PTPN20: variants seen among roughly 807,000 people sequenced by gnomAD.
PTPN20 encodes the protein tyrosine-protein phosphatase non-receptor type 20.
PTPN20 carries 9 observed loss-of-function variants against 35.0 expected under a neutral mutation model. That is an observed-to-expected ratio of 0.26 (90% confidence interval 0.15 to 0.45). The LOEUF is 0.45. PTPN20 is among the 20% of genes least tolerant of loss of function. The pLI is 1.00. For missense variants in PTPN20, 111 were observed against 312.5 expected, an observed-to-expected ratio of 0.36 and a Z score of 4.86; for synonymous variants, 32 against 100.2, an observed-to-expected ratio of 0.32 and a Z score of 4.06.
At chr10:46,958,917 T>TA (rs1176163110) in intron 5 of PTPN20, among the ~76,000 whole-genome samples, 1 of 151,710 alleles carries the variant, frequency 6.6e-6, no homozygotes, top group Non-Finnish European at 1.5e-5. Context: ...ACCAGTGTTT[T>TA]AAAATTGACT....
chr10:46,948,640 T>C (rs1355130837), intron 5 of PTPN20, among the ~76,000 whole-genome samples: 2 of 151,716 alleles, frequency 1.3e-5, no homozygotes, highest in Non-Finnish European at 2.9e-5. Context: ...GTTTTTATTT[T>C]TGGTCTCTTC....
chr10:46,929,991 T>A (rs2039032986), intron 1 of PTPN20, among the ~76,000 whole-genome samples: 1 of 143,938 alleles, frequency 6.9e-6, no homozygotes. Flanking sequence ...CTTTGTTTTG[T>A]CTATTTTAAG....
At chr10:46,931,573 G>C (rs1390150879) in intron 1 of PTPN20, among the ~76,000 whole-genome samples, 2 of 143,098 alleles carry the variant, frequency 1.4e-5, no homozygotes, top group Non-Finnish European at 3.0e-5. Flanking sequence ...TTTTTGTAGA[G>C]ACAGGATTTC....
At position 46,911,477 on chromosome 10, in the gene PTPN20, A is replaced by C. The variant is rs1372753971; in HGVS notation, c.-148A>C. The C allele has an allele frequency of 3.5e-6, 1 of 287,860 alleles. No individual in the cohort carries two copies. The highest frequency in any genetic ancestry group is 6.7e-6 in the Non-Finnish European group (1 of 150,174). 17.8% of individuals were successfully genotyped at this position (287,860 alleles called of 1,614,324 possible). ...GAGGCTGCTGGGGTTGCAGCGGGAC[A>C]GTTGGGGCGGCCCCGCAGGCCCAGG... On this transcript the variant is annotated 5_prime_UTR_variant, in exon 1 of 11. Coordinates refer to ENST00000374339, the MANE Select transcript of PTPN20 (RefSeq NM_001042357.5).
intron 7 of PTPN20, among the ~76,000 whole-genome samples, chr10:46,983,179 C>T (rs1281067008): frequency 6.6e-6 from 1 of 150,912 alleles, no homozygotes; most frequent in Non-Finnish European, 1.5e-5. Context: ...CTGGTTCAAG[C>T]GATTCTCCTG....
intron 1 of PTPN20, among the ~76,000 whole-genome samples, chr10:46,923,176 G>C (rs1221607215): frequency 7.0e-6 from 1 of 143,286 alleles, no homozygotes; most frequent in Non-Finnish European, 1.5e-5. Flanking sequence ...AAGGATTTCT[G>C]GCAACCACCA....
intron 1 of PTPN20, chr10:46,925,900 G>A (rs1465328391): frequency 2.2e-6 from 2 of 901,910 alleles, no homozygotes; most frequent in African/African-American, 1.8e-5. Context: ...TGGCCTTTAG[G>A]CATATGTGGA....
chr10:46,947,475 C>T (rs1338462432), intron 5 of PTPN20, among the ~76,000 whole-genome samples: 1,917 of 149,486 alleles, frequency 0.013, no homozygotes, highest in African/African-American at 0.043. Flanking sequence ...TAAAACGAGA[C>T]ATAATTTTTA....
At chr10:46,997,051 A>C (rs2059232832) in intron 9 of PTPN20, among the ~76,000 whole-genome samples, 1 of 152,186 alleles carries the variant, frequency 6.6e-6, no homozygotes, top group Non-Finnish European at 1.5e-5. Flanking sequence ...TTAAATCTGT[A>C]GTTTAATTGG....
Position 46,933,526 on chromosome 10 carries a change from C to CA in PTPN20, c.34+994dup, listed in dbSNP as rs1212632892. Among the ~76,000 whole-genome samples, 43 of 143,564 alleles carry CA rather than the reference C, an allele frequency of 3.0e-4. 1 individual carries two copies. Among genetic ancestry groups the CA allele is most frequent in the Non-Finnish European group, 6.5e-4 (43 of 66,110 alleles). The allele number at this position is 143,564 out of a possible 152,430, so 94.2% of individuals were successfully genotyped here. On this transcript the variant is annotated intron_variant, in intron 2 of 10. Coordinates refer to ENST00000374339, the MANE Select transcript of PTPN20 (RefSeq NM_001042357.5). ...TATCTGCTTTTGTGAGCCTGGATTC[C>CA]ATCTGTAAGTCAGATTATGTGTAAG... is the stretch of plus-strand genomic sequence containing the variant.
chr10:46,997,697 G>T (rs2059380489), intron 9 of PTPN20, among the ~76,000 whole-genome samples: 1 of 149,236 alleles, frequency 6.7e-6, no homozygotes, highest in African/African-American at 2.5e-5. Context: ...AATTTATAAG[G>T]AACCCTCAAA....
rs1333949747 is a variant in PTPN20 at position 46,996,215 on chromosome 10, A to G, written c.1135-3697A>G. On this transcript the variant is annotated intron_variant, in intron 9 of 10. Transcript: ENST00000374339. ...TAGAGCTTCACAATCAATAATGACT[A>G]TAAAACTCAATATATGAGGAATCAT... Among the ~76,000 whole-genome samples, 6 of 152,250 alleles carry G rather than the reference A, an allele frequency of 3.9e-5. No homozygotes were observed. In the East Asian group the frequency reaches 7.7e-4, roughly 20 times the overall value.
At chr10:46,933,764 A>G in intron 2 of PTPN20, among the ~76,000 whole-genome samples, 1 of 116,654 alleles carries the variant, frequency 8.6e-6, no homozygotes, top group Middle Eastern at 4.3e-3. Flanking sequence ...TTTTGTGGTT[A>G]CTATAGATTT....
chr10:46,941,322 T>C (rs1190763119), intron 3 of PTPN20, among the ~76,000 whole-genome samples: 37 of 136,198 alleles, frequency 2.7e-4, no homozygotes, highest in African/African-American at 1.1e-3. Flanking sequence ...GACCAAAAAC[T>C]GCTCCTACCA....
intron 3 of PTPN20, among the ~76,000 whole-genome samples, chr10:46,941,503 T>C (rs2043498779): frequency 1.6e-5 from 2 of 126,010 alleles, no homozygotes; most frequent in Non-Finnish European, 3.2e-5. Context: ...TAGTGCCGTG[T>C]TGGGCTCTCC....
chr10:46,944,666 C>T lies in PTPN20; in HGVS notation c.227+651C>T, dbSNP rs1332771085. 1.6e-4 allele frequency among the ~76,000 whole-genome samples: 20 copies of T among 126,212 alleles called. No homozygotes were observed. In the South Asian group the frequency reaches 2.3e-3, roughly 15 times the overall value. The allele number at this position is 126,212 out of a possible 152,430, so 82.8% of individuals were successfully genotyped here. On this transcript the variant is annotated intron_variant, in intron 4 of 10. Coordinates refer to ENST00000374339, the MANE Select transcript of PTPN20 (RefSeq NM_001042357.5). ...TCTTTATATTATGTGTTTTTGTATG[C>T]GTATTGTATGAAATTTATATGTACA...
At chr10:46,949,527 A>G (rs1289124227) in intron 5 of PTPN20, among the ~76,000 whole-genome samples, 1 of 151,844 alleles carries the variant, frequency 6.6e-6, no homozygotes, top group Non-Finnish European at 1.5e-5. Flanking sequence ...TCAGCTCTCT[A>G]ATGGGTTCAA....
At chr10:46,938,027 G>A (rs1589363398) in intron 2 of PTPN20, among the ~76,000 whole-genome samples, 5 of 149,148 alleles carry the variant, frequency 3.4e-5, no homozygotes, top group Non-Finnish European at 5.9e-5. Context: ...TTGGCTCACT[G>A]CAACCTTCTG....
chr10:46,994,322 C>T (rs1417682899), intron 9 of PTPN20, among the ~76,000 whole-genome samples: 3 of 66,294 alleles, frequency 4.5e-5, no homozygotes, highest in African/African-American at 6.3e-5. Context: ...CTCTGATGCT[C>T]TTTTTTTTTT....
Sources: allele counts gnomAD v4.1 joint callset (sites outside exome capture counted in the v4.1 genomes callset), GRCh38; gene constraint gnomAD v4.1.1; transcripts MANE v1.5; gene names NCBI Gene and HGNC (gene_info 2026-07-23, HGNC 2026-07-21).